The following DCX variants were observed in gnomAD, a reference collection of about 807,000 sequenced individuals.
DCX encodes doublecortin, also known as neuronal migration protein doublecortin.
In DCX, 4 loss-of-function variants were observed where a neutral mutation model predicts 20.9. The observed-to-expected ratio is 0.19, with a 90% CI of 0.09 to 0.44. The LOEUF (loss-of-function observed/expected upper bound fraction) is 0.44. DCX is among the 20% of genes least tolerant of loss of function. The pLI is 0.99. For synonymous variants in DCX, 103 were observed against 111.4 expected (o/e 0.92, Z 0.47); for missense variants, 133 against 296.9 (o/e 0.45, Z 4.06).
chrX:111,370,066 T>C (rs755151951), intron 3 of DCX, among the ~76,000 whole-genome samples: 1 of 111,817 alleles, frequency 8.9e-6, no homozygotes, highest in South Asian at 3.7e-4. Context: ...TAAAAAAATG[T>C]TGCCCTATTC....
At chrX:111,410,970 T>C in intron 1 of DCX, 1 of 1,202,325 alleles carries the variant, frequency 8.3e-7, no homozygotes, top group South Asian at 1.8e-5. Context: ...GGGGAGTGTT[T>C]TCATTTTATT....
At chrX:111,316,101 A>AT (rs2095071078) in intron 5 of DCX, among the ~76,000 whole-genome samples, 2 of 102,899 alleles carry the variant, frequency 1.9e-5, no homozygotes, top group African/African-American at 4.0e-5. Flanking sequence ...AAAAAAAAAA[A>AT]AAAAAAAAAT....
intron 3 of DCX, among the ~76,000 whole-genome samples, chrX:111,371,911 C>T (rs1280132052): frequency 1.1e-5 from 1 of 94,409 alleles, no homozygotes; most frequent in Non-Finnish European, 2.1e-5. Flanking sequence ...TATATATATA[C>T]AGTATTATAT....
Position 111,297,791 on chromosome X carries a change from G to T in DCX, c.*3896C>A, listed in dbSNP as rs1221428482. The T allele has an allele frequency of 8.9e-6, 1 of 111,899 alleles. No homozygotes were observed. Among genetic ancestry groups the T allele is most frequent in the Non-Finnish European group, 1.9e-5 (1 of 53,224 alleles). The allele number at this position is 111,899 out of a possible 1,213,427, so 9.2% of individuals were successfully genotyped here. ...GCCACAGGAGCAGTGTACACAAGAC[G>T]ATGGGAAGAGTGTATAGAGCACACA... On this transcript the variant is annotated 3_prime_UTR_variant, in exon 7 of 7. Coordinates refer to ENST00000636035, the MANE Select transcript of DCX (RefSeq NM_001195553.2).
intron 3 of DCX, among the ~76,000 whole-genome samples, chrX:111,385,502 A>T (rs938458892): frequency 9.1e-6 from 1 of 109,418 alleles, no homozygotes; most frequent in Non-Finnish European, 1.9e-5. Context: ...CTAAAAATAC[A>T]AAAATTAGCC....
chrX:111,373,042 C>G (rs768380555), intron 3 of DCX, among the ~76,000 whole-genome samples: 145 of 107,408 alleles, frequency 1.3e-3, no homozygotes, highest in Non-Finnish European at 2.4e-3. Context: ...CAGAGGAAAG[C>G]TGATAACACA....
intron 3 of DCX, among the ~76,000 whole-genome samples, chrX:111,336,445 T>A (rs1921745672): frequency 8.9e-6 from 1 of 112,556 alleles, no homozygotes; most frequent in Admixed American, 9.4e-5. Flanking sequence ...CATTCCACAT[T>A]TTACTGGCTC....
rs186294415 is a variant in DCX, at chrX:111,349,976, G to A, written c.706-16823C>T. On this transcript the variant is annotated intron_variant, in intron 3 of 6. Transcript: ENST00000636035. The stretch of plus-strand genomic sequence containing the variant: ...CCACTCTTAGGCCTCAAGGAGAGAG[G>A]GGAGGTATCAGGAACCAGAACTCAG... 1.6e-4 allele frequency among the ~76,000 whole-genome samples: 18 copies of A among 111,563 alleles called. No homozygotes were observed. In the Admixed American group the frequency reaches 1.6e-3, roughly 10 times the overall value.
intron 3 of DCX, among the ~76,000 whole-genome samples, chrX:111,351,471 C>T (rs1320137775): frequency 8.9e-6 from 1 of 112,306 alleles, no homozygotes; most frequent in East Asian, 2.8e-4. Flanking sequence ...ACATGTGTTC[C>T]AGTTAGCATG....
chrX:111,358,769 G>A (rs990653310), intron 3 of DCX, among the ~76,000 whole-genome samples: 1 of 111,690 alleles, frequency 9.0e-6, no homozygotes, highest in East Asian at 2.8e-4. Flanking sequence ...CAAGGCAAGA[G>A]CAACATAAAA....
intron 3 of DCX, among the ~76,000 whole-genome samples, chrX:111,384,452 A>G (rs1926218569): frequency 9.0e-6 from 1 of 111,480 alleles, no homozygotes. Flanking sequence ...ACAGTTGTTC[A>G]TATGTTACTC....
chrX:111,303,963 T>C (rs898342967), intron 6 of DCX, among the ~76,000 whole-genome samples: 5 of 112,178 alleles, frequency 4.5e-5, no homozygotes, highest in African/African-American at 1.3e-4. Context: ...TAAAAAAACA[T>C]ATTTTAGATG....
At chrX:111,388,734 G>A (rs903830757) in intron 3 of DCX, among the ~76,000 whole-genome samples, 2 of 112,233 alleles carry the variant, frequency 1.8e-5, no homozygotes, top group Non-Finnish European at 3.8e-5. Context: ...CTAACACAGT[G>A]AGGATTGATT....
intron 3 of DCX, among the ~76,000 whole-genome samples, chrX:111,369,836 C>T (rs1924935205): frequency 9.0e-6 from 1 of 111,456 alleles, no homozygotes; most frequent in South Asian, 3.8e-4. Flanking sequence ...CTTTTCTGGC[C>T]TTTTAGGGTC....
chrX:111,386,739 C>T (rs779979030), intron 3 of DCX, among the ~76,000 whole-genome samples: 18 of 111,440 alleles, frequency 1.6e-4, no homozygotes, highest in Admixed American at 2.9e-4. Context: ...CATCCCATTG[C>T]TAATCAACTT....
intron 6 of DCX, among the ~76,000 whole-genome samples, chrX:111,307,432 G>A (rs1304370572): frequency 9.1e-6 from 1 of 110,475 alleles, no homozygotes; most frequent in Non-Finnish European, 1.9e-5. Context: ...ACTATGTTAT[G>A]ACTATTGATG....
chrX:111,353,272 G>A (rs145253934), intron 3 of DCX, among the ~76,000 whole-genome samples: 3 of 111,893 alleles, frequency 2.7e-5, no homozygotes, highest in Admixed American at 9.5e-5. Context: ...AGACTTAAAC[G>A]GTGTATGCCT....
chrX:111,323,603 G>GGTTTTTT (rs2095092009), intron 5 of DCX, among the ~76,000 whole-genome samples: 1 of 52,179 alleles, frequency 1.9e-5, no homozygotes, highest in African/African-American at 7.3e-5. Context: ...TATTATTTCT[G>GGTTTTTT]TTTTTTTTTT....
chrX:111,351,891 A>G (rs1198404362), intron 3 of DCX, among the ~76,000 whole-genome samples: 2 of 111,139 alleles, frequency 1.8e-5, no homozygotes, highest in Non-Finnish European at 3.8e-5. Context: ...GGCCCGGCTA[A>G]TTTTTGTATT....
Sources: gnomAD v4.1 joint callset for allele counts (sites outside exome capture counted in the v4.1 genomes callset) on GRCh38, gnomAD v4.1.1 for gene constraint, MANE v1.5 for transcripts, NCBI Gene and HGNC (gene_info 2026-07-23, HGNC 2026-07-21) for gene names.